KIF26B: variants seen among roughly 807,000 people sequenced by gnomAD.
The protein encoded by KIF26B is kinesin family member 26B.
A neutral mutation model predicts 151.2 loss-of-function variants in KIF26B; 63 were observed. That is an observed-to-expected ratio of 0.42 (90% CI 0.34 to 0.51). KIF26B has a LOEUF of 0.51. KIF26B is among the 20% of genes least tolerant of loss of function. The pLI, the probability that KIF26B is intolerant of heterozygous loss-of-function variation, is 0.07. For missense variants in KIF26B, 2,813 were observed against 2,913.6 expected (o/e 0.97, Z 0.79); for synonymous variants, 1,357 against 1,262.1 (o/e 1.08, Z -1.59).
chr1:245,313,560 A>G (rs1240153761), intron 2 of KIF26B, among the ~76,000 whole-genome samples: 1 of 152,200 alleles, frequency 6.6e-6, no homozygotes, highest in Non-Finnish European at 1.5e-5. Context: ...GGTGACCACT[A>G]GCCATGAGCA....
At chr1:245,669,637 T>C (rs369122249) in intron 10 of KIF26B, among the ~76,000 whole-genome samples, 1 of 152,182 alleles carries the variant, frequency 6.6e-6, no homozygotes, top group Non-Finnish European at 1.5e-5. Context: ...TACCACTTCC[T>C]AGCCAGCAGG....
chr1:245,382,509 C>A (rs1295039894), intron 3 of KIF26B, among the ~76,000 whole-genome samples: 3 of 151,484 alleles, frequency 2.0e-5, no homozygotes, highest in Non-Finnish European at 4.4e-5. Flanking sequence ...GTTTTTGGTT[C>A]TGTACACTGT....
chr1:245,186,840 C>CT (rs564704850), intron 2 of KIF26B, among the ~76,000 whole-genome samples: 246 of 150,062 alleles, frequency 1.6e-3, no homozygotes, highest in African/African-American at 5.6e-3. Flanking sequence ...AAGCCAAATA[C>CT]TTTTTTTTTT....
intron 2 of KIF26B, among the ~76,000 whole-genome samples, chr1:245,356,716 C>T (rs989918440): frequency 5.9e-4 from 90 of 152,316 alleles, no homozygotes; most frequent in African/African-American, 2.1e-3. Flanking sequence ...TGACGCATTC[C>T]GCAGTGAACA....
chr1:245,665,482 C>T (rs1293210813), intron 10 of KIF26B, among the ~76,000 whole-genome samples: 2 of 152,164 alleles, frequency 1.3e-5, no homozygotes, highest in Non-Finnish European at 2.9e-5. Context: ...GAGAGAACCG[C>T]ACACTCTACT....
At chr1:245,607,397 G>T (rs147022271) in intron 6 of KIF26B, among the ~76,000 whole-genome samples, 28 of 152,302 alleles carry the variant, frequency 1.8e-4, no homozygotes, top group Admixed American at 5.9e-4. Flanking sequence ...CTCTACAGAC[G>T]CATTCGCTGA....
At chr1:245,250,228 T>C (rs1212745708) in intron 2 of KIF26B, among the ~76,000 whole-genome samples, 1 of 152,192 alleles carries the variant, frequency 6.6e-6, no homozygotes, top group Non-Finnish European at 1.5e-5. Flanking sequence ...TATGGGTACC[T>C]ACATCTCTTT....
intron 2 of KIF26B, among the ~76,000 whole-genome samples, chr1:245,296,793 A>G (rs1414224946): frequency 6.6e-6 from 1 of 152,200 alleles, no homozygotes; most frequent in Non-Finnish European, 1.5e-5. Flanking sequence ...GTCAACATTC[A>G]GCTCTTCAAA....
chr1:245,655,492 AAC>A (rs1296570333), intron 10 of KIF26B, among the ~76,000 whole-genome samples: 4 of 152,240 alleles, frequency 2.6e-5, no homozygotes, highest in African/African-American at 9.6e-5. Context: ...TTGTGTGCCT[AAC>A]ACACAGCATG....
At chr1:245,332,971 G>C (rs568191448) in intron 2 of KIF26B, among the ~76,000 whole-genome samples, 2 of 152,250 alleles carry the variant, frequency 1.3e-5, no homozygotes, top group African/African-American at 4.8e-5. Flanking sequence ...ATGTAGGGAA[G>C]GGGTGCCAAC....
At position 245,686,216 on chromosome 1, in the gene KIF26B, A is replaced by T; in HGVS notation, c.3233A>T (p.Glu1078Val). ...ATCGCCAGCCTGTCCAAGACCTCGG[A>T]GTACAAGCCACCCAGCTCTCCTTCC... ...LGIASLSKTS[E>V]YKPPSSPSQR... The change falls in exon 12 of 15, where the codon GAG becomes GTG. Residue 1078 changes from glutamate to valine, a missense_variant. Around this residue, in one of 3 missense-constraint regions of KIF26B, gnomAD observed 2,060 missense variants for 2,088.6 expected, o/e 0.99. Transcript: ENST00000407071. This position sits in a 1 kb window ranked among gnomAD's most constrained non-coding sequence, Gnocchi z 5.6. The T allele has an allele frequency of 6.2e-7, 1 of 1,612,654 alleles. No homozygotes were observed. The highest frequency in any genetic ancestry group is 8.5e-7 in the Non-Finnish European group (1 of 1,179,882).
At chr1:245,340,258 T>C (rs1672310126) in intron 2 of KIF26B, among the ~76,000 whole-genome samples, 1 of 152,162 alleles carries the variant, frequency 6.6e-6, no homozygotes, top group Non-Finnish European at 1.5e-5. Context: ...CGTCCTCCGG[T>C]ATATCTGAAA....
intron 4 of KIF26B, among the ~76,000 whole-genome samples, chr1:245,447,519 G>A (rs1659274407): frequency 6.6e-6 from 1 of 152,096 alleles, no homozygotes; most frequent in South Asian, 2.1e-4. Flanking sequence ...CTCATGAATA[G>A]GATTAGTGCC....
At chr1:245,582,716 A>G (rs1303113571) in intron 5 of KIF26B, among the ~76,000 whole-genome samples, 5 of 152,188 alleles carry the variant, frequency 3.3e-5, no homozygotes, top group Non-Finnish European at 7.3e-5. Context: ...CTGGGTTTCA[A>G]TCCCATTTCT....
chr1:245,237,730 A>C (rs1311644121), intron 2 of KIF26B, among the ~76,000 whole-genome samples: 1 of 152,178 alleles, frequency 6.6e-6, no homozygotes, highest in Admixed American at 6.5e-5. Context: ...TGTTCAAATA[A>C]GAATATTGTA....
intron 4 of KIF26B, among the ~76,000 whole-genome samples, chr1:245,454,013 A>G (rs1659457103): frequency 6.6e-6 from 1 of 152,200 alleles, no homozygotes; most frequent in Non-Finnish European, 1.5e-5. Context: ...AATAACCTTC[A>G]GGCTGAATGC....
chr1:245,310,299 G>GA (rs1671642333), intron 2 of KIF26B, among the ~76,000 whole-genome samples: 1 of 152,054 alleles, frequency 6.6e-6, no homozygotes, highest in South Asian at 2.1e-4. Flanking sequence ...TACATTTGAA[G>GA]AGGTAAACCT....
Position 245,166,949 on chromosome 1 carries a change from A to AG in KIF26B, c.465+10269dup, listed in dbSNP as rs1668625569. Among the ~76,000 whole-genome samples, 1 of 152,342 alleles carries AG rather than the reference A, an allele frequency of 6.6e-6. No individual in the cohort carries two copies. Among genetic ancestry groups the AG allele is most frequent in the African/African-American group, 2.4e-5 (1 of 41,582 alleles). ...GAGGTTAGCAAAGCAGAAGGCTCTG[A>AG]GGGTAGAGTAAGTATTATTAATTTT... On this transcript the variant is annotated intron_variant, in intron 2 of 14. Transcript: ENST00000407071. This position sits in a 1 kb window ranked among gnomAD's most constrained non-coding sequence, Gnocchi z 4.5.
intron 2 of KIF26B, among the ~76,000 whole-genome samples, chr1:245,157,850 C>T (rs906605446): frequency 1.3e-5 from 2 of 152,226 alleles, no homozygotes; most frequent in African/African-American, 4.8e-5. Flanking sequence ...GATTTAACAC[C>T]GTTTCTTCAT....
Sources: allele counts gnomAD v4.1 joint callset (sites outside exome capture counted in the v4.1 genomes callset), GRCh38; gene constraint gnomAD v4.1.1; regional missense constraint gnomAD v4.1.1; non-coding constraint Gnocchi (gnomAD v3.1); transcripts MANE v1.5; gene names NCBI Gene and HGNC (gene_info 2026-07-23, HGNC 2026-07-21).